The following LUC7L2 variants were observed in gnomAD, a reference collection of about 807,000 sequenced individuals.
The protein encoded by LUC7L2 is putative RNA-binding protein Luc7-like 2.
Under a neutral mutation model 52.8 loss-of-function variants are expected in LUC7L2, and 25 were observed. That is an observed-to-expected ratio of 0.47 (90% CI 0.34 to 0.66). The LOEUF (loss-of-function observed/expected upper bound fraction) is 0.66, where lower values mean the gene tolerates loss of function less well. Among genes scored for constraint, LUC7L2 ranks in the 30% least tolerant of loss-of-function variants. LUC7L2 has a pLI of 0.01. For synonymous variants in LUC7L2, 144 were observed against 160.9 expected, an observed-to-expected ratio of 0.89 and a Z score of 0.80; for missense variants, 328 against 497.8, an observed-to-expected ratio of 0.66 and a Z score of 3.25.
chr7:139,412,256 C>T (rs1363354190), intron 7 of LUC7L2, among the ~76,000 whole-genome samples: 2 of 150,998 alleles, frequency 1.3e-5, no homozygotes, highest in Non-Finnish European at 3.0e-5. Context: ...AGAAAAAATC[C>T]GAAACACTTA....
intron 1 of LUC7L2, chr7:139,340,665 G>A: frequency 2.5e-6 from 1 of 395,554 alleles, no homozygotes; most frequent in Non-Finnish European, 4.5e-6. Context: ...GAGGAAAATA[G>A]TTGAATATGT....
chr7:139,400,573 A>G (rs1569387266), intron 3 of LUC7L2, among the ~76,000 whole-genome samples: 1 of 152,148 alleles, frequency 6.6e-6, no homozygotes, highest in Non-Finnish European at 1.5e-5. Context: ...CTGAGGTGCT[A>G]AGAGTTCTCT....
chr7:139,406,048 C>T (rs1318279763), intron 5 of LUC7L2, among the ~76,000 whole-genome samples: 1 of 152,006 alleles, frequency 6.6e-6, no homozygotes, highest in Non-Finnish European at 1.5e-5. Flanking sequence ...TCAAGTCCAG[C>T]CTTCTTCTTT....
At chr7:139,413,476 G>A (rs754397513) in intron 8 of LUC7L2, among the ~76,000 whole-genome samples, 2 of 152,112 alleles carry the variant, frequency 1.3e-5, no homozygotes, top group Non-Finnish European at 2.9e-5. Flanking sequence ...AGAATTTGTT[G>A]TTATGAAAGA....
chr7:139,400,210 C>T (rs1390580080), intron 3 of LUC7L2, among the ~76,000 whole-genome samples: 1 of 152,084 alleles, frequency 6.6e-6, no homozygotes, highest in Non-Finnish European at 1.5e-5. Context: ...CGTGGTGGCT[C>T]GTAATCCCAG....
At chr7:139,398,575 T>C (rs766778920) in intron 2 of LUC7L2, 24 bp from the exon 3 acceptor site, 5 of 1,573,592 alleles carry the variant, frequency 3.2e-6, no homozygotes, top group Non-Finnish European at 2.6e-6. Context: ...TTTGTTTTAA[T>C]ATTATGTCTT....
chr7:139,402,169 T>C lies in LUC7L2; in HGVS notation c.288T>C (p.Asp96=). 6.2e-7 allele frequency: 1 copy of C among 1,609,336 alleles called. No homozygotes were observed. Among genetic ancestry groups the C allele is most frequent in the Non-Finnish European group, 8.5e-7 (1 of 1,178,482 alleles). The part of the protein sequence containing the change: ...AMDHLQSFIA[D]CDRRTEVAKK... ...ATCATCTGCAGTCATTCATTGCAGA[T>C]TGTGATCGTAGAACAGAAGTGGCCA... The change falls in exon 4 of 10, where the codon GAT becomes GAC. Residue 96 remains aspartate (D), a synonymous_variant. Coordinates refer to ENST00000354926, the MANE Select transcript of LUC7L2 (RefSeq NM_016019.5).
chr7:139,393,985 T>C (rs1338814129), intron 2 of LUC7L2, among the ~76,000 whole-genome samples: 1 of 152,116 alleles, frequency 6.6e-6, no homozygotes, highest in Admixed American at 6.5e-5. Context: ...CAAAATCTAC[T>C]ATGATGAGTC....
At chr7:139,415,236 C>G (rs1173680442) in intron 8 of LUC7L2, among the ~76,000 whole-genome samples, 1 of 149,792 alleles carries the variant, frequency 6.7e-6, no homozygotes, top group Non-Finnish European at 1.5e-5. Context: ...TTTTTCTTAA[C>G]CACCTGACAT....
At chr7:139,377,338 G>C (rs1800765952) in intron 2 of LUC7L2, among the ~76,000 whole-genome samples, 1 of 152,092 alleles carries the variant, frequency 6.6e-6, no homozygotes, top group Non-Finnish European at 1.5e-5. Context: ...CGGTGTAGCT[G>C]GAATCACAGG....
At chr7:139,351,521 T>G (rs927682061) in intron 1 of LUC7L2, among the ~76,000 whole-genome samples, 14 of 152,360 alleles carry the variant, frequency 9.2e-5, no homozygotes, top group Admixed American at 3.9e-4. Context: ...CCTCCAATTA[T>G]GCTCTCTTCA....
At chr7:139,403,057 T>TG (rs1287244903) in intron 4 of LUC7L2, among the ~76,000 whole-genome samples, 6 of 152,238 alleles carry the variant, frequency 3.9e-5, no homozygotes, top group Admixed American at 2.0e-4. Flanking sequence ...TTTGGCCTTT[T>TG]TCATTCCATA....
intron 1 of LUC7L2, among the ~76,000 whole-genome samples, chr7:139,351,777 C>T (rs1473229349): frequency 1.3e-5 from 2 of 152,240 alleles, no homozygotes; most frequent in Admixed American, 6.5e-5. Context: ...CAATCATACT[C>T]CCCTTCAATA....
intron 9 of LUC7L2, among the ~76,000 whole-genome samples, chr7:139,421,164 G>T (rs1230907419): frequency 6.6e-6 from 1 of 152,128 alleles, no homozygotes; most frequent in Non-Finnish European, 1.5e-5. Context: ...CATTATTTTA[G>T]AACCATTTTT....
At chr7:139,408,856 A>AG (rs1301138616) in intron 6 of LUC7L2, among the ~76,000 whole-genome samples, 1 of 151,412 alleles carries the variant, frequency 6.6e-6, no homozygotes, top group African/African-American at 2.4e-5. Flanking sequence ...AAAAAAAAAA[A>AG]AAGTCATGGA....
chr7:139,384,187 G>A (rs1794089359), intron 2 of LUC7L2, among the ~76,000 whole-genome samples: 1 of 152,154 alleles, frequency 6.6e-6, no homozygotes, highest in Admixed American at 6.5e-5. Context: ...AAGGGTTTAA[G>A]TATTATTTAA....
Position 139,422,865 on chromosome 7 carries a change from G to A in LUC7L2, c.*525G>A. The A allele has an allele frequency of 2.5e-6, 1 of 399,046 alleles. No individual in the cohort carries two copies. Among genetic ancestry groups the A allele is most frequent in the Non-Finnish European group, 4.4e-6 (1 of 226,066 alleles). 24.7% of individuals were successfully genotyped at this position (399,046 alleles called of 1,614,324 possible). A position where few individuals can be genotyped will look rare whatever the true frequency, so the allele number is the denominator to read the frequency against. ...CAGTTCAGAGCATTGATCCTGGAAT[G>A]TGTGCTGGAGAAATTTAAAATACTG... On this transcript the variant is annotated 3_prime_UTR_variant, in exon 10 of 10. Coordinates refer to ENST00000354926, the MANE Select transcript of LUC7L2 (RefSeq NM_016019.5).
chr7:139,358,755 A>G (rs6467838), upstream of LUC7L2, among the ~76,000 whole-genome samples: 58,804 of 151,812 alleles, frequency 0.39, 15,825 homozygotes, highest in African/African-American at 0.77. Flanking sequence ...CGTCATCTCG[A>G]CTCACTGCAA....
At chr7:139,414,292 G>A (rs1795493662) in intron 8 of LUC7L2, among the ~76,000 whole-genome samples, 1 of 152,206 alleles carries the variant, frequency 6.6e-6, no homozygotes, top group African/African-American at 2.4e-5. Context: ...TAGGGTGACG[G>A]TGTGGCCTGG....
Sources: gnomAD v4.1 joint callset for allele counts (sites outside exome capture counted in the v4.1 genomes callset) on GRCh38, gnomAD v4.1.1 for gene constraint, MANE v1.5 for transcripts, NCBI Gene and HGNC (gene_info 2026-07-23, HGNC 2026-07-21) for gene names.